Variants in CNGA3 observed in about 807,000 individuals in gnomAD.
CNGA3 encodes the protein cyclic nucleotide-gated channel alpha-3.
CNGA3 carries 42 observed loss-of-function variants against 46.6 expected under a neutral mutation model. The ratio of observed to expected loss-of-function variants is 0.90; its 90% confidence interval spans 0.70 to 1.17. CNGA3 has a LOEUF of 1.17. CNGA3 is among the 50% of genes most tolerant of loss of function. The pLI, the probability that CNGA3 is intolerant of heterozygous loss-of-function variation, is 0.00. For missense variants in CNGA3, 893 were observed against 890.7 expected (o/e 1.00, Z -0.03); for synonymous variants, 394 against 369.4 (o/e 1.07, Z -0.76).
intron 7 of CNGA3, among the ~76,000 whole-genome samples, chr2:98,393,648 C>T (rs919227744): frequency 6.6e-6 from 1 of 152,190 alleles, no homozygotes. Flanking sequence ...GCCCATTGGG[C>T]TGATGGTCCC....
At position 98,395,947 on chromosome 2, in the gene CNGA3, C is replaced by A. The variant is rs138921037; in HGVS notation, c.777C>A (p.Thr259=). 159 of 1,614,154 alleles carry A rather than the reference C, an allele frequency of 9.9e-5. No individual in the cohort carries two copies. In the East Asian group the frequency reaches 3.5e-3, roughly 36 times the overall value. Residue 259 remains threonine (T), a synonymous_variant, in exon 8 of 8, where the codon ACC becomes ACA. Coordinates refer to ENST00000272602, the MANE Select transcript of CNGA3 (RefSeq NM_001298.3). ...TGGATGTGTTGTCCCTGGTCCCCACCGACCTGGCTTACTTAAAGGTGGGCA... is the reference window on the plus strand; with the variant it reads ...TGGATGTGTTGTCCCTGGTCCCCACAGACCTGGCTTACTTAAAGGTGGGCA... ...FKLDVLSLVP[T]DLAYLKVGTN...
intron 1 of CNGA3, among the ~76,000 whole-genome samples, chr2:98,358,724 C>T (rs993111651): frequency 6.6e-6 from 1 of 152,086 alleles, no homozygotes; most frequent in African/African-American, 2.4e-5. Context: ...TCAAAGACAA[C>T]CATTTATGAC....
intron 3 of CNGA3, 46 bp downstream of exon 3, chr2:98,377,846 T>C (rs58990587): frequency 6.5e-7 from 1 of 1,542,804 alleles, no homozygotes; most frequent in South Asian, 1.2e-5. Context: ...GGGACACTGT[T>C]GCAGAAAGAA....
At position 98,397,211 on chromosome 2, in the gene CNGA3, G is replaced by A. The variant is rs780484436; in HGVS notation, c.2041G>A (p.Glu681Lys). 3 of 1,613,990 alleles carry A rather than the reference G, an allele frequency of 1.9e-6. No homozygotes were observed. In the African/African-American group the frequency reaches 4.0e-5, roughly 22 times the overall value. ...GGGDKPLADG[E>K]VPGDATKTED... ...TGGGGACAAGCCCCTGGCTGATGGG[G>A]AAGTTCCCGGGGATGCTACAAAAAC... The change falls in exon 8 of 8, where the codon GAA becomes AAA. Residue 681 changes from glutamate (E) to lysine (K), a missense_variant. Physicochemically the swap from Glu to Lys is moderately conservative, Grantham distance 56. Around this residue, in one of 3 missense-constraint regions of CNGA3, gnomAD observed 548 missense variants for 570.8 expected, o/e 0.96. Transcript: ENST00000272602.
Position 98,379,830 on chromosome 2 carries a change from T to C in CNGA3, c.216-345T>C, listed in dbSNP as rs113569582. 2.1e-4 allele frequency: 79 copies of C among 368,028 alleles called. 1 individual carries two copies. The highest frequency in any genetic ancestry group is 2.3e-4 in the Non-Finnish European group (45 of 196,278). The allele number at this position is 368,028 out of a possible 1,614,324, so 22.8% of individuals were successfully genotyped here. A position where few individuals can be genotyped will look rare whatever the true frequency, so the allele number is the denominator to read the frequency against. The stretch of plus-strand genomic sequence containing the variant: ...GGCAGTCATAACAAAGAGCTCTCCA[T>C]TGGGCAAAAGGAGTGAGCTAATCCC... On this transcript the variant is annotated intron_variant, in intron 3 of 7. Transcript: ENST00000272602.
chr2:98,361,297 C>T (rs969585765), intron 1 of CNGA3, among the ~76,000 whole-genome samples: 7 of 152,080 alleles, frequency 4.6e-5, no homozygotes, highest in Non-Finnish European at 8.8e-5. Context: ...TTTCTGCTTC[C>T]GAGTTAGTTT....
At chr2:98,369,693 C>T (rs1692241294) in intron 1 of CNGA3, among the ~76,000 whole-genome samples, 1 of 152,220 alleles carries the variant, frequency 6.6e-6, no homozygotes, top group Admixed American at 6.5e-5. Context: ...CAGTACTTAA[C>T]TCTGAGCATC....
intron 1 of CNGA3, among the ~76,000 whole-genome samples, chr2:98,354,023 T>A (rs187322746): frequency 6.6e-6 from 1 of 152,210 alleles, no homozygotes; most frequent in Admixed American, 6.5e-5. Flanking sequence ...ACCTCCAACA[T>A]TGGGGATTAC....
chr2:98,366,935 G>A (rs528698647), intron 1 of CNGA3, among the ~76,000 whole-genome samples: 7 of 152,260 alleles, frequency 4.6e-5, no homozygotes, highest in South Asian at 2.1e-4. Flanking sequence ...CATGGAAAAA[G>A]CGTGGTTTCC....
chr2:98,389,113 T>A (rs984219319), intron 5 of CNGA3, among the ~76,000 whole-genome samples: 4 of 152,208 alleles, frequency 2.6e-5, no homozygotes, highest in African/African-American at 9.7e-5. Context: ...CCCTTGGAAA[T>A]GAGCCTTTAC....
chr2:98,384,748 G>A lies in CNGA3; in HGVS notation c.449+1307G>A, dbSNP rs542766659. On this transcript the variant is annotated intron_variant, in intron 5 of 7. Coordinates refer to ENST00000272602, the MANE Select transcript of CNGA3 (RefSeq NM_001298.3). ...GAAACCATGGACAGAGGTCCTGGGG[G>A]TTTCTAGGCATCTTTGTCCTGGGGC... Among the ~76,000 whole-genome samples, 42 of 152,292 alleles carry A rather than the reference G, an allele frequency of 2.8e-4. No individual in the cohort carries two copies. The South Asian group carries it at 8.7e-3, about 32-fold the overall frequency.
rs745600340 is a variant in CNGA3 at position 98,397,273 on chromosome 2, C to T, written c.*18C>T. 6.2e-7 allele frequency: 1 copy of T among 1,612,076 alleles called. No homozygotes were observed. Among genetic ancestry groups the T allele is most frequent in the Admixed American group, 1.7e-5 (1 of 59,978 alleles). ...AACAGTGAAAATGCAGCATCTGTCT[C>T]CTGCTTCACAGGGTCGACTGTCAGG... is the stretch of plus-strand genomic sequence containing the variant. On this transcript the variant is annotated 3_prime_UTR_variant, in exon 8 of 8. Transcript: ENST00000272602.
intron 5 of CNGA3, among the ~76,000 whole-genome samples, chr2:98,388,253 C>A (rs890473967): frequency 1.3e-5 from 2 of 152,132 alleles, no homozygotes. Context: ...CTAAATGTGC[C>A]CCGGCATCAT....
chr2:98,378,137 A>G (rs1456600062), intron 3 of CNGA3: 29 of 1,550,726 alleles, frequency 1.9e-5, no homozygotes, highest in Middle Eastern at 1.7e-4. Flanking sequence ...GATTGGGTGG[A>G]CACAGTGGTG....
intron 3 of CNGA3, 109 bp downstream of exon 3, chr2:98,377,909 G>C: frequency 7.6e-7 from 1 of 1,312,776 alleles, no homozygotes; most frequent in Admixed American, 2.3e-5. Flanking sequence ...TGAAGATTTG[G>C]AAAAGAAAGG....
chr2:98,391,965 G>C lies in CNGA3; in HGVS notation c.668G>C (p.Arg223Pro). 1 of 1,613,630 alleles carries C rather than the reference G, an allele frequency of 6.2e-7. No individual in the cohort carries two copies. The highest frequency in any genetic ancestry group is 8.5e-7 in the Non-Finnish European group (1 of 1,179,858). ...LYVLDVLVRARTGFLEQGLMV... is the reference protein window; with the variant it reads ...LYVLDVLVRAPTGFLEQGLMV... ...GTCTTGGATGTGCTTGTACGAGCTC[G>C]GACAGGTGAGTGTGCCCCAGGCCTG... The change falls in exon 7 of 8, where the codon CGG (arginine) becomes CCG (proline). Residue 223 changes from arginine (R) to proline (P), a missense_variant. This residue lies in a region of CNGA3 where 333 missense variants were observed against 290.8 expected (regional missense o/e 1.15). Transcript: ENST00000272602.
intron 1 of CNGA3, among the ~76,000 whole-genome samples, chr2:98,353,689 TAAAG>T (rs1400343777): frequency 6.6e-6 from 1 of 152,218 alleles, no homozygotes; most frequent in Non-Finnish European, 1.5e-5. Context: ...TATATTGCTA[TAAAG>T]AAATACCTGA....
chr2:98,390,890 T>C (rs1574386399), intron 6 of CNGA3, among the ~76,000 whole-genome samples: 1 of 152,292 alleles, frequency 6.6e-6, no homozygotes, highest in Middle Eastern at 3.4e-3. Context: ...GGCAGGTCTC[T>C]TCTGAGATGT....
intron 5 of CNGA3, among the ~76,000 whole-genome samples, chr2:98,385,555 T>C (rs1456968292): frequency 1.3e-5 from 2 of 152,146 alleles, no homozygotes; most frequent in Non-Finnish European, 2.9e-5. Flanking sequence ...TAGGCATATA[T>C]ATTGAATACT....
Sources: allele counts gnomAD v4.1 joint callset (sites outside exome capture counted in the v4.1 genomes callset), GRCh38; gene constraint gnomAD v4.1.1; regional missense constraint gnomAD v4.1.1; transcripts MANE v1.5; gene names NCBI Gene and HGNC (gene_info 2026-07-23, HGNC 2026-07-21).